The following SRBD1 variants were observed in gnomAD, a reference collection of about 807,000 sequenced individuals.
SRBD1 encodes the protein S1 RNA-binding domain-containing protein 1.
Under a neutral mutation model 115.3 loss-of-function variants are expected in SRBD1, and 88 were observed. That is an observed-to-expected ratio of 0.76 (90% CI 0.64 to 0.91). SRBD1 has a LOEUF of 0.91. Ranked by LOEUF, SRBD1 falls within the 40% of genes least tolerant of loss-of-function variation. SRBD1 has a pLI of 0.00. For missense variants in SRBD1, 1,385 were observed against 1,177.4 expected (o/e 1.18, Z -2.58); for synonymous variants, 509 against 407.7 (o/e 1.25, Z -2.99).
rs796435558 is a variant in SRBD1, at chr2:45,429,914, CCTT to C, written c.2050-10023_2050-10021del. Reference sequence around the variant, plus strand: ...ACCCCATCGTCTCAGCCCAAAATCTCCTTAAGCTGATAAGCAACTTCAGCAAAG... The same window carrying C: ...ACCCCATCGTCTCAGCCCAAAATCTCAAGCTGATAAGCAACTTCAGCAAAG... On this transcript the variant is annotated intron_variant, in intron 16 of 20. Coordinates refer to ENST00000263736, the MANE Select transcript of SRBD1 (RefSeq NM_018079.5). Among the ~76,000 whole-genome samples the C allele has an allele frequency of 2.3e-4, 35 of 152,288 alleles. 1 individual carries two copies. Among genetic ancestry groups the C allele is most frequent in the South Asian group, 2.3e-3 (11 of 4,820 alleles).
At chr2:45,605,011 T>C (rs747284136) in intron 2 of SRBD1, among the ~76,000 whole-genome samples, 1 of 152,212 alleles carries the variant, frequency 6.6e-6, no homozygotes, top group Admixed American at 6.5e-5. Context: ...AGAAAAAAGA[T>C]AGCCCCCACA....
intron 14 of SRBD1, among the ~76,000 whole-genome samples, chr2:45,504,113 T>G (rs73927512): frequency 6.6e-6 from 1 of 152,256 alleles, no homozygotes; most frequent in South Asian, 2.1e-4. Flanking sequence ...TTAGTCCTCA[T>G]TGCCTTCTAA....
At chr2:45,426,905 A>G (rs182477150) in intron 16 of SRBD1, among the ~76,000 whole-genome samples, 121 of 152,360 alleles carry the variant, frequency 7.9e-4, no homozygotes, top group African/African-American at 2.8e-3. Context: ...ACCAGCACAA[A>G]AAGGCTGAAA....
chr2:45,444,233 C>G (rs1416131363), intron 16 of SRBD1, among the ~76,000 whole-genome samples: 3 of 152,040 alleles, frequency 2.0e-5, no homozygotes, highest in Non-Finnish European at 4.4e-5. Context: ...TAGTGAGACC[C>G]TAACTTTACA....
At chr2:45,528,392 C>T (rs1671513987) in intron 14 of SRBD1, among the ~76,000 whole-genome samples, 1 of 151,798 alleles carries the variant, frequency 6.6e-6, no homozygotes, top group African/African-American at 2.4e-5. Flanking sequence ...AACAGGACTT[C>T]ATGGTAGTTT....
At chr2:45,500,440 T>A (rs62127156) in intron 14 of SRBD1, among the ~76,000 whole-genome samples, 1 of 150,740 alleles carries the variant, frequency 6.6e-6, no homozygotes, top group Non-Finnish European at 1.5e-5. Flanking sequence ...TTTTTTTTTT[T>A]AAGACAAGGT....
Position 45,546,859 on chromosome 2 carries a change from T to C in SRBD1, c.1767-20A>G. On this transcript the variant is annotated intron_variant, in intron 13 of 20. Coordinates refer to ENST00000263736, the MANE Select transcript of SRBD1 (RefSeq NM_018079.5). Reference sequence around the variant, plus strand: ...CTGCAGCTTCAAGGCAGAAACAGAATGACAAACTGAATTTCAAGGCATGCT... The same window carrying C: ...CTGCAGCTTCAAGGCAGAAACAGAACGACAAACTGAATTTCAAGGCATGCT... The C allele has an allele frequency of 1.2e-6, 2 of 1,608,446 alleles. No homozygotes were observed. Among genetic ancestry groups the C allele is most frequent in the Non-Finnish European group, 1.7e-6 (2 of 1,174,932 alleles).
At chr2:45,454,262 A>G (rs1669085424) in intron 16 of SRBD1, among the ~76,000 whole-genome samples, 1 of 151,862 alleles carries the variant, frequency 6.6e-6, no homozygotes, top group Admixed American at 6.6e-5. Context: ...ACTGTGAGAT[A>G]ATGACTGGGA....
chr2:45,547,660 G>A (rs377166971), intron 12 of SRBD1, 48 bp from the exon 13 acceptor site: 23 of 1,465,498 alleles, frequency 1.6e-5, no homozygotes, highest in Non-Finnish European at 2.1e-5. Context: ...ATTACAAAGT[G>A]AAACACATGA....
intron 5 of SRBD1, among the ~76,000 whole-genome samples, chr2:45,584,918 AG>A (rs1376521159): frequency 6.6e-6 from 1 of 152,198 alleles, no homozygotes; most frequent in African/African-American, 2.4e-5. Flanking sequence ...TGGGAGGCCA[AG>A]GCGGGTGGAT....
chr2:45,425,767 A>C (rs1040661497), intron 16 of SRBD1, among the ~76,000 whole-genome samples: 1 of 152,090 alleles, frequency 6.6e-6, no homozygotes, highest in African/African-American at 2.4e-5. Flanking sequence ...GGAAGCTGTG[A>C]GGGACCGTGC....
chr2:45,391,198 T>C (rs1437809592), intron 20 of SRBD1, among the ~76,000 whole-genome samples: 1 of 152,144 alleles, frequency 6.6e-6, no homozygotes, highest in African/African-American at 2.4e-5. Flanking sequence ...TGAAGACAGT[T>C]GGGGACACTG....
intron 14 of SRBD1, chr2:45,546,255 T>C (rs17394520): frequency 0.44 from 435,155 of 985,058 alleles, 98,903 homozygotes; most frequent in Non-Finnish European, 0.47. Flanking sequence ...AAATAAAAGT[T>C]TGTGACCAAG....
chr2:45,413,292 G>T lies in SRBD1; in HGVS notation c.2335C>A (p.Gln779Lys). Residue 779 changes from glutamine to lysine, a missense_variant and splice_region_variant, in exon 19 of 21, where the codon CAG (glutamine) becomes AAG (lysine). Gln to Lys is a moderately conservative substitution (Grantham distance 53, BLOSUM62 1). Coordinates refer to ENST00000263736, the MANE Select transcript of SRBD1 (RefSeq NM_018079.5). ...NQDYIRTFCSQQTETSGQIQG... is the reference protein window; with the variant it reads ...NQDYIRTFCSKQTETSGQIQG... ...ATTTGGCCTGAAGTTTCAGTTTGCTGACTATATAAAACCAGAAAAAACCAC... is the reference window on the plus strand; with the variant it reads ...ATTTGGCCTGAAGTTTCAGTTTGCTTACTATATAAAACCAGAAAAAACCAC... 6.2e-7 allele frequency: 1 copy of T among 1,611,748 alleles called. No individual in the cohort carries two copies. The highest frequency in any genetic ancestry group is 1.7e-5 in the Admixed American group (1 of 59,320).
At chr2:45,560,945 TA>T (rs35692321) in intron 10 of SRBD1, among the ~76,000 whole-genome samples, 10,808 of 118,864 alleles carry the variant, frequency 0.091, 1,200 homozygotes, top group African/African-American at 0.27. Context: ...ATCTCTTAAA[TA>T]AAAAAAAAAA....
intron 14 of SRBD1, among the ~76,000 whole-genome samples, chr2:45,515,523 T>C (rs1035488326): frequency 1.3e-5 from 2 of 152,136 alleles, no homozygotes; most frequent in Admixed American, 6.6e-5. Flanking sequence ...ATTCAAAAAC[T>C]TGCCCAAAGT....
intron 18 of SRBD1, 23 bp downstream of exon 18, chr2:45,418,341 AT>A: frequency 6.2e-7 from 1 of 1,604,702 alleles, no homozygotes; most frequent in Non-Finnish European, 8.5e-7. Context: ...TGACAATAGA[AT>A]CAAAGTGTAT....
chr2:45,572,849 T>C (rs1357744495), intron 9 of SRBD1, among the ~76,000 whole-genome samples: 1 of 152,146 alleles, frequency 6.6e-6, no homozygotes, highest in African/African-American at 2.4e-5. Flanking sequence ...TCACACTTTA[T>C]TCTAAATCAG....
chr2:45,394,393 C>T (rs1031002561), intron 19 of SRBD1, among the ~76,000 whole-genome samples: 9 of 152,166 alleles, frequency 5.9e-5, no homozygotes, highest in Non-Finnish European at 1.5e-5. Flanking sequence ...AGTTCCATTT[C>T]CTATGATTAA....
Sources: allele counts gnomAD v4.1 joint callset (sites outside exome capture counted in the v4.1 genomes callset), GRCh38; gene constraint gnomAD v4.1.1; transcripts MANE v1.5; gene names NCBI Gene and HGNC (gene_info 2026-07-23, HGNC 2026-07-21).